The following EYS variants were observed in gnomAD, a reference collection of about 807,000 sequenced individuals.
EYS encodes the protein EGF-like photoreceptor maintenance factor.
EYS carries 250 observed loss-of-function variants against 282.1 expected under a neutral mutation model. The observed-to-expected ratio is 0.89, with a 90% confidence interval of 0.80 to 0.98. The LOEUF (loss-of-function observed/expected upper bound fraction) is 0.98, where lower values mean the gene tolerates loss of function less well. EYS is among the 50% of genes least tolerant of loss of function. EYS has a pLI of 0.00. For synonymous variants in EYS, 1,355 were observed against 1,282.9 expected (o/e 1.06, Z -1.20); for missense variants, 4,016 against 3,709.0 (o/e 1.08, Z -2.15).
intron 12 of EYS, among the ~76,000 whole-genome samples, chr6:65,189,257 A>T (rs941582061): frequency 6.6e-6 from 1 of 151,740 alleles, no homozygotes; most frequent in Non-Finnish European, 1.5e-5. Context: ...TATATGATTA[A>T]ACTATTCCTT....
intron 1 of EYS, among the ~76,000 whole-genome samples, chr6:65,662,214 C>T (rs1768031452): frequency 6.6e-6 from 1 of 152,082 alleles, no homozygotes; most frequent in African/African-American, 2.4e-5. Flanking sequence ...GGTACTGATT[C>T]TGAACATTCC....
intron 12 of EYS, among the ~76,000 whole-genome samples, chr6:65,091,504 G>T (rs942742171): frequency 6.9e-6 from 1 of 144,974 alleles, no homozygotes; most frequent in Admixed American, 6.8e-5. Context: ...ATAATAAAAA[G>T]AAGTTAGATA....
At chr6:63,726,741 A>T in intron 41 of EYS, 61 bp from the exon 42 acceptor site, 1 of 1,387,644 alleles carries the variant, frequency 7.2e-7, no homozygotes, top group Admixed American at 2.2e-5. Context: ...AACATTGCTC[A>T]TAAATACAAT....
chr6:65,277,917 G>C (rs990767783), intron 12 of EYS, among the ~76,000 whole-genome samples: 4 of 152,050 alleles, frequency 2.6e-5, no homozygotes, highest in Non-Finnish European at 5.9e-5. Context: ...GGGCCACATG[G>C]TACTCAGATA....
chr6:65,338,313 G>C (rs2150315878), intron 10 of EYS, among the ~76,000 whole-genome samples: 1 of 148,686 alleles, frequency 6.7e-6, no homozygotes, highest in East Asian at 1.9e-4. Flanking sequence ...AAATTAGCAA[G>C]AGAGTAAATT....
At chr6:64,670,937 G>C (rs1408550440) in intron 22 of EYS, among the ~76,000 whole-genome samples, 1 of 150,888 alleles carries the variant, frequency 6.6e-6, no homozygotes, top group Non-Finnish European at 1.5e-5. Context: ...TAAAAGTGGA[G>C]TCCTAGACTC....
At chr6:64,305,090 G>T (rs1227192808) in intron 30 of EYS, among the ~76,000 whole-genome samples, 16 of 152,116 alleles carry the variant, frequency 1.1e-4, no homozygotes, top group Non-Finnish European at 2.1e-4. Flanking sequence ...ATAAAAAGAA[G>T]ACTCAATTAA....
chr6:64,313,030 G>A (rs962595329), intron 29 of EYS, among the ~76,000 whole-genome samples: 2 of 152,316 alleles, frequency 1.3e-5, no homozygotes, highest in Admixed American at 1.3e-4. Flanking sequence ...TGAACAATGA[G>A]TTTGATGAAT....
intron 16 of EYS, among the ~76,000 whole-genome samples, chr6:64,903,056 CA>C (rs1378735259): frequency 3.3e-5 from 5 of 151,704 alleles, no homozygotes; most frequent in Non-Finnish European, 7.4e-5. Context: ...GGCTGATAAA[CA>C]AGACAGTTGC....
chr6:64,296,581 T>C (rs1379868241), intron 30 of EYS, among the ~76,000 whole-genome samples: 9 of 6,578 alleles, frequency 1.4e-3, no homozygotes, highest in African/African-American at 1.8e-3. Flanking sequence ...TATATATATA[T>C]ATACATATAT....
At chr6:64,125,224 A>G (rs1012314538) in intron 31 of EYS, among the ~76,000 whole-genome samples, 2 of 150,764 alleles carry the variant, frequency 1.3e-5, no homozygotes, top group Non-Finnish European at 2.9e-5. Context: ...TATGCATACA[A>G]CCAGGCTTTC....
intron 35 of EYS, among the ~76,000 whole-genome samples, chr6:63,971,696 A>AAAT (rs1766584098): frequency 6.6e-6 from 1 of 152,200 alleles, no homozygotes; most frequent in Non-Finnish European, 1.5e-5. Context: ...AAGGGGAAAC[A>AAAT]AATTAGTCAG....
chr6:65,017,941 G>A (rs1772107677), intron 13 of EYS, among the ~76,000 whole-genome samples: 1 of 152,146 alleles, frequency 6.6e-6, no homozygotes, highest in South Asian at 2.1e-4. Flanking sequence ...TCAAGCCTCT[G>A]TTGAAACCCT....
chr6:63,727,706 C>CAAA (rs1169878020), intron 41 of EYS, among the ~76,000 whole-genome samples: 458 of 9,512 alleles, frequency 0.048, 153 homozygotes, highest in Non-Finnish European at 0.057. Context: ...CACCATCTCT[C>CAAA]AAAAAAAAAA....
intron 30 of EYS, among the ~76,000 whole-genome samples, chr6:64,289,391 C>T (rs1231082206): frequency 6.6e-6 from 1 of 151,972 alleles, no homozygotes; most frequent in African/African-American, 2.4e-5. Flanking sequence ...GCTTTTGCTT[C>T]GTTTTGTTGT....
intron 19 of EYS, among the ~76,000 whole-genome samples, chr6:64,833,647 G>T (rs1765291512): frequency 6.6e-6 from 1 of 151,826 alleles, no homozygotes; most frequent in Non-Finnish European, 1.5e-5. Context: ...TAAATTTTTT[G>T]AATCAAAGTA....
At chr6:65,599,456 G>C (rs1765540457) in intron 2 of EYS, among the ~76,000 whole-genome samples, 1 of 151,986 alleles carries the variant, frequency 6.6e-6, no homozygotes, top group Non-Finnish European at 1.5e-5. Flanking sequence ...TCAGGTCCAA[G>C]ACTTTGTATT....
chr6:63,896,071 T>C (rs1773531404), intron 35 of EYS, among the ~76,000 whole-genome samples: 1 of 152,244 alleles, frequency 6.6e-6, no homozygotes, highest in African/African-American at 2.4e-5. Context: ...TGTCCAACTA[T>C]GTTGTAAATT....
intron 5 of EYS, among the ~76,000 whole-genome samples, chr6:65,462,429 G>A (rs1764856236): frequency 6.6e-6 from 1 of 151,896 alleles, no homozygotes; most frequent in African/African-American, 2.4e-5. Context: ...ATAGAACTCT[G>A]CACACACACA....
Sources: gnomAD v4.1 joint callset for allele counts (sites outside exome capture counted in the v4.1 genomes callset) on GRCh38, gnomAD v4.1.1 for gene constraint, MANE v1.5 for transcripts, NCBI Gene and HGNC (gene_info 2026-07-23, HGNC 2026-07-21) for gene names.